PARD3: variants seen among roughly 807,000 people sequenced by gnomAD.
The protein encoded by PARD3 is partitioning defective 3 homolog.
In PARD3, 75 loss-of-function variants were observed where a neutral mutation model predicts 155.4. The ratio of observed to expected loss-of-function variants is 0.48; its 90% confidence interval spans 0.40 to 0.58. PARD3 has a LOEUF of 0.58. PARD3 is among the 20% of genes least tolerant of loss of function. The probability of loss-of-function intolerance (pLI) is 0.00; values close to 1 mark genes in which losing one functional copy is unlikely to be tolerated. For synonymous variants in PARD3, 576 were observed against 610.5 expected (o/e 0.94, Z 0.83); for missense variants, 1,642 against 1,721.7 (o/e 0.95, Z 0.82).
At chr10:34,166,757 A>G (rs1355611090) in intron 22 of PARD3, among the ~76,000 whole-genome samples, 1 of 152,138 alleles carries the variant, frequency 6.6e-6, no homozygotes, top group African/African-American at 2.4e-5. Context: ...CAACACACAC[A>G]ATAGCCAACC....
At chr10:34,243,111 G>A (rs1226752773) in intron 22 of PARD3, among the ~76,000 whole-genome samples, 1 of 152,110 alleles carries the variant, frequency 6.6e-6, no homozygotes, top group Non-Finnish European at 1.5e-5. Context: ...TAATTACCTA[G>A]TGAGAAAACA....
intron 9 of PARD3, among the ~76,000 whole-genome samples, chr10:34,378,442 TTC>T (rs573533871): frequency 1.3e-5 from 2 of 152,278 alleles, no homozygotes; most frequent in South Asian, 4.1e-4. Flanking sequence ...AGAAAAAAAC[TTC>T]TGTTAAGACC....
intron 2 of PARD3, among the ~76,000 whole-genome samples, chr10:34,536,015 A>G (rs988987866): frequency 6.6e-6 from 1 of 152,176 alleles, no homozygotes; most frequent in Non-Finnish European, 1.5e-5. Flanking sequence ...ACTGAGAACG[A>G]GAGTGTATTC....
intron 2 of PARD3, among the ~76,000 whole-genome samples, chr10:34,607,879 C>T (rs757654829): frequency 6.6e-6 from 1 of 152,102 alleles, no homozygotes; most frequent in African/African-American, 2.4e-5. Context: ...TTGTGGATAC[C>T]ACCCACCCTG....
At chr10:34,214,253 T>C (rs933359725) in intron 22 of PARD3, among the ~76,000 whole-genome samples, 3 of 152,122 alleles carry the variant, frequency 2.0e-5, no homozygotes, top group Non-Finnish European at 4.4e-5. Flanking sequence ...CCTAAATTTA[T>C]AGCTCTTCAG....
chr10:34,319,171 C>T (rs1958218587), intron 19 of PARD3, among the ~76,000 whole-genome samples: 1 of 149,568 alleles, frequency 6.7e-6, no homozygotes, highest in African/African-American at 2.5e-5. Flanking sequence ...TCACTGCAAT[C>T]TCCACCTCCC....
chr10:34,389,005 T>C (rs571757270), intron 7 of PARD3, among the ~76,000 whole-genome samples: 1 of 152,058 alleles, frequency 6.6e-6, no homozygotes, highest in South Asian at 2.1e-4. Context: ...TCCTTATGAA[T>C]CTAAGATAAA....
rs535374880 is a variant in PARD3, at chr10:34,716,388, G to A, written c.121-19969C>T. On this transcript the variant is annotated intron_variant, in intron 1 of 24. Coordinates refer to ENST00000374788, the MANE Select transcript of PARD3 (RefSeq NM_001184785.2). ...AAGCATGGAAACAAATTAGCTGTAT[G>A]GGAACTCAGGCAAAACATAATTACA... is the stretch of plus-strand genomic sequence containing the variant. Among the ~76,000 whole-genome samples, 5 of 152,228 alleles carry A rather than the reference G, an allele frequency of 3.3e-5. No homozygotes were observed. The East Asian group carries it at 5.8e-4, about 18-fold the overall frequency.
chr10:34,516,910 A>G (rs1404095203), intron 3 of PARD3, 69 bp downstream of exon 3: 1 of 1,428,908 alleles, frequency 7.0e-7, no homozygotes, highest in Non-Finnish European at 9.8e-7. Context: ...AGGGTCATGG[A>G]TGAATAACAA....
intron 1 of PARD3, among the ~76,000 whole-genome samples, chr10:34,813,906 T>G (rs973068931): frequency 3.9e-5 from 6 of 152,350 alleles, no homozygotes; most frequent in African/African-American, 1.4e-4. Flanking sequence ...AACTTCAGCG[T>G]GGGCTGTTGT....
At chr10:34,753,186 C>A (rs1836283316) in intron 1 of PARD3, among the ~76,000 whole-genome samples, 1 of 152,192 alleles carries the variant, frequency 6.6e-6, no homozygotes, top group Admixed American at 6.6e-5. Context: ...CTCTCTTCTT[C>A]ATACATGCCC....
At chr10:34,290,098 A>T (rs971995258) in intron 20 of PARD3, among the ~76,000 whole-genome samples, 1 of 152,222 alleles carries the variant, frequency 6.6e-6, no homozygotes, top group Non-Finnish European at 1.5e-5. Flanking sequence ...TTAAATAGTA[A>T]TATTTCTGCT....
chr10:34,278,210 C>T lies in PARD3; in HGVS notation c.3176+5925G>A, dbSNP rs551702893. On this transcript the variant is annotated intron_variant, in intron 21 of 24. Coordinates refer to ENST00000374788, the MANE Select transcript of PARD3 (RefSeq NM_001184785.2). ...TACAGGTGCATACCACCATGCCCTGCTAATTAAAAAAAATATTTTTAGGGA... is the reference window on the plus strand; with the variant it reads ...TACAGGTGCATACCACCATGCCCTGTTAATTAAAAAAAATATTTTTAGGGA... Among the ~76,000 whole-genome samples the T allele has an allele frequency of 2.8e-5, 3 of 105,906 alleles. No homozygotes were observed. The South Asian group carries it at 9.5e-4, about 34-fold the overall frequency. The allele number at this position is 105,906 out of a possible 152,430, so 69.5% of individuals were successfully genotyped here. A position where few individuals can be genotyped will look rare whatever the true frequency, so the allele number is the denominator to read the frequency against.
intron 22 of PARD3, among the ~76,000 whole-genome samples, chr10:34,232,581 G>A (rs994586243): frequency 1.3e-5 from 2 of 152,102 alleles, no homozygotes; most frequent in Non-Finnish European, 2.9e-5. Context: ...AGTTCAACAC[G>A]AAAATCATAA....
intron 1 of PARD3, among the ~76,000 whole-genome samples, chr10:34,763,010 T>A (rs1837646522): frequency 6.6e-6 from 1 of 152,206 alleles, no homozygotes; most frequent in African/African-American, 2.4e-5. Flanking sequence ...AGGGACAGAT[T>A]CTATCAGAAG....
chr10:34,768,047 T>C (rs12572476), intron 1 of PARD3, among the ~76,000 whole-genome samples: 33,007 of 152,158 alleles, frequency 0.22, 4,712 homozygotes, highest in East Asian at 0.54. Context: ...TTTGAAACTA[T>C]TTTTCAACAT....
chr10:34,534,575 C>T (rs886832782), intron 2 of PARD3, among the ~76,000 whole-genome samples: 4 of 152,168 alleles, frequency 2.6e-5, no homozygotes, highest in Non-Finnish European at 4.4e-5. Flanking sequence ...TTGCCATAAA[C>T]TTCTGAGGTC....
chr10:34,297,629 T>C (rs1956967019), intron 20 of PARD3, among the ~76,000 whole-genome samples: 1 of 152,206 alleles, frequency 6.6e-6, no homozygotes, highest in Non-Finnish European at 1.5e-5. Context: ...ATTTGTGGTC[T>C]GTTGTGGGTC....
chr10:34,253,695 C>T, intron 22 of PARD3, among the ~76,000 whole-genome samples: 2 of 60,860 alleles, frequency 3.3e-5, no homozygotes, highest in East Asian at 8.9e-4. Flanking sequence ...CAGACGACCA[C>T]TCAGAGAAGA....
Sources: gnomAD v4.1 joint callset for allele counts (sites outside exome capture counted in the v4.1 genomes callset) on GRCh38, gnomAD v4.1.1 for gene constraint, MANE v1.5 for transcripts, NCBI Gene and HGNC (gene_info 2026-07-23, HGNC 2026-07-21) for gene names.